NIN: variants seen among roughly 807,000 people sequenced by gnomAD.
NIN encodes the protein ninein.
A neutral mutation model predicts 257.6 loss-of-function variants in NIN; 137 were observed. The ratio of observed to expected loss-of-function variants is 0.53; its 90% CI spans 0.46 to 0.61. NIN has a LOEUF of 0.61. Ranked by LOEUF, NIN falls within the 20% of genes least tolerant of loss-of-function variation. The pLI is 0.00. For missense variants in NIN, 2,439 were observed against 2,501.2 expected, an observed-to-expected ratio of 0.98 and a Z score of 0.53; for synonymous variants, 918 against 919.8, an observed-to-expected ratio of 1.00 and a Z score of 0.04.
rs1339435449 is a variant in NIN at position 50,721,985 on chromosome 14, T to G, written c.*1478A>C. The G allele has an allele frequency of 4.4e-6, 1 of 227,784 alleles. No homozygotes were observed. The highest frequency in any genetic ancestry group is 8.7e-6 in the Non-Finnish European group (1 of 114,540). 14.1% of individuals were successfully genotyped at this position (227,784 alleles called of 1,614,324 possible). On this transcript the variant is annotated 3_prime_UTR_variant, in exon 31 of 31. Transcript: ENST00000530997. ...CCCATAAAGCAGTGCTTGATTTTGC[T>G]GTTCACCTTTTGTAAATAGATGGGC... is the stretch of plus-strand genomic sequence containing the variant.
rs770235566 is a variant in NIN, at chr14:50,756,588, A to G, written c.4442T>C (p.Val1481Ala). The change falls in exon 18 of 31, where the codon GTA becomes GCA. Residue 1481 changes from valine (V) to alanine (A), a missense_variant. Val to Ala is a moderately conservative substitution (Grantham distance 64). Transcript: ENST00000530997. Reference protein sequence around the residue: ...RVTILVKQKDVLSHGEKEEEL... With the variant: ...RVTILVKQKDALSHGEKEEEL... Reference sequence around the variant, plus strand: ...TTCCTCCTTTTCTCCGTGAGAAAGTACATCTTTTTGCTTAACTAAAATAGT... The same window carrying G: ...TTCCTCCTTTTCTCCGTGAGAAAGTGCATCTTTTTGCTTAACTAAAATAGT... 5.6e-6 allele frequency: 9 copies of G among 1,605,576 alleles called. No homozygotes were observed. The African/African-American group carries it at 6.7e-5, about 12-fold the overall frequency.
At chr14:50,799,380 C>T (rs1025112241) in intron 4 of NIN, among the ~76,000 whole-genome samples, 4 of 152,128 alleles carry the variant, frequency 2.6e-5, no homozygotes, top group East Asian at 1.9e-4. Flanking sequence ...CCAAAGCCAT[C>T]GGGCCAGGGA....
chr14:50,782,290 A>G (rs2043165185), intron 5 of NIN, among the ~76,000 whole-genome samples: 1 of 152,242 alleles, frequency 6.6e-6, no homozygotes, highest in Non-Finnish European at 1.5e-5. Context: ...GTATTCAAAG[A>G]CAATAAAATC....
intron 5 of NIN, among the ~76,000 whole-genome samples, chr14:50,779,651 G>A (rs1031187367): frequency 2.6e-5 from 4 of 152,014 alleles, no homozygotes; most frequent in Admixed American, 6.5e-5. Context: ...CCAGCTACTC[G>A]GGAGGCTGAG....
intron 18 of NIN, among the ~76,000 whole-genome samples, chr14:50,755,492 T>C (rs993805892): frequency 9.2e-5 from 14 of 151,922 alleles, no homozygotes; most frequent in African/African-American, 3.4e-4. Context: ...AAAACCAAAT[T>C]TGCTAGAAGA....
At chr14:50,800,030 ACACACACACACACACAC>A (rs1461289847) in intron 4 of NIN, among the ~76,000 whole-genome samples, 1 of 151,670 alleles carries the variant, frequency 6.6e-6, no homozygotes, top group Admixed American at 6.6e-5. Flanking sequence ...ACACACACAC[ACACACACACACACACAC>A]AACTCCCAAG....
intron 3 of NIN, among the ~76,000 whole-genome samples, chr14:50,815,990 G>T (rs538574754): frequency 6.6e-6 from 1 of 152,170 alleles, no homozygotes; most frequent in Non-Finnish European, 1.5e-5. Context: ...TGGGGCGACA[G>T]GGCGAGACTC....
intron 4 of NIN, among the ~76,000 whole-genome samples, chr14:50,794,761 T>TAAAA (rs900112232): frequency 1.6e-5 from 2 of 125,066 alleles, no homozygotes; most frequent in Non-Finnish European, 3.5e-5. Flanking sequence ...ATTCAGAGGT[T>TAAAA]AAAAAAAAAA....
In NIN at chr14:50,723,467, G is replaced by T; in HGVS notation, c.6398C>A (p.Ser2133Ter). The change falls in exon 31 of 31, where the codon TCA becomes TAA. Residue 2133 changes from serine (S) to a stop codon, truncating the protein, a stop_gained. Coordinates refer to ENST00000530997, the MANE Select transcript of NIN (RefSeq NM_020921.4). LOFTEE classifies it high-confidence loss of function. ...TGAGTGTACCCTTTGGTTTGGCTAT[G>T]ACCTCAAAGGAGGTGTAGAAGTCAA... ...APLTSTPPLR[S>*] 1 of 1,611,246 alleles carries T rather than the reference G, an allele frequency of 6.2e-7. No homozygotes were observed. Among genetic ancestry groups the T allele is most frequent in the Admixed American group, 1.7e-5 (1 of 59,960 alleles).
Position 50,777,153 on chromosome 14 carries a change from A to C in NIN, c.476-14T>G. The C allele has an allele frequency of 6.3e-7, 1 of 1,585,078 alleles. No homozygotes were observed. Among genetic ancestry groups the C allele is most frequent in the South Asian group, 1.2e-5 (1 of 86,758 alleles). On this transcript the variant is annotated splice_polypyrimidine_tract_variant and intron_variant, in intron 6 of 30. Transcript: ENST00000530997. ...ACCTTAACTGGCCTGAGAGAGAAGC[A>C]TATGTTGCACGGTTTCCAAAGGAAT...
At chr14:50,776,158 T>C (rs2042916588) in intron 7 of NIN, among the ~76,000 whole-genome samples, 1 of 152,130 alleles carries the variant, frequency 6.6e-6, no homozygotes, top group Non-Finnish European at 1.5e-5. Context: ...ACCCTAACTC[T>C]CTCCAATCCT....
At chr14:50,780,127 A>G (rs962991844) in intron 5 of NIN, among the ~76,000 whole-genome samples, 2 of 152,216 alleles carry the variant, frequency 1.3e-5, no homozygotes, top group African/African-American at 2.4e-5. Flanking sequence ...AGTTGCAACA[A>G]GTAGGTCCAC....
chr14:50,763,713 CTTT>C (rs5808571), intron 15 of NIN, 110 bp downstream of exon 15: 16,220 of 658,754 alleles, frequency 0.025, 42 homozygotes, highest in East Asian at 0.047. Context: ...TGGCCAAATT[CTTT>C]TTTTTTTTTT....
Position 50,738,253 on chromosome 14 carries a change from G to C in NIN, c.5662C>G (p.His1888Asp). ...RQLESNLLPK[H>D]QKHLNPSGTM... ...CCTGATGGGTTTAGATGTTTTTGGTGCTTGGGAAGAAGATTGGATTCCAAC... is the reference window on the plus strand; with the variant it reads ...CCTGATGGGTTTAGATGTTTTTGGTCCTTGGGAAGAAGATTGGATTCCAAC... The change falls in exon 27 of 31, where the codon CAC (histidine) becomes GAC (aspartate). Residue 1888 changes from histidine (H) to aspartate (D), a missense_variant. Physicochemically the swap from His to Asp is moderately conservative, Grantham distance 81 (BLOSUM62 -1). This residue lies in a region of NIN where 2,043 missense variants were observed against 2,050.2 expected (regional missense o/e 1.00). Coordinates refer to ENST00000530997, the MANE Select transcript of NIN (RefSeq NM_020921.4). 6.2e-7 allele frequency: 1 copy of C among 1,613,838 alleles called. No individual in the cohort carries two copies. Among genetic ancestry groups the C allele is most frequent in the Non-Finnish European group, 8.5e-7 (1 of 1,179,866 alleles).
In NIN at chr14:50,758,011, C is replaced by T. The variant is rs200571367; in HGVS notation, c.3019G>A (p.Glu1007Lys). ...TCETADRERAEMSTEISRLQS... is the reference protein window; with the variant it reads ...TCETADRERAKMSTEISRLQS... ...AGTCTGGAGATTTCTGTGCTCATCT[C>T]GGCTCTTTCTCGATCTGCTGTCTCA... The change falls in exon 18 of 31, where the codon GAG (glutamate) becomes AAG (lysine). Residue 1007 changes from glutamate (E) to lysine (K), a missense_variant. By Grantham distance (56) the Glu-to-Lys change is moderately conservative (BLOSUM62 1). Around this residue, in one of 3 missense-constraint regions of NIN, gnomAD observed 2,043 missense variants for 2,050.2 expected, o/e 1.00. Transcript: ENST00000530997. The T allele has an allele frequency of 2.5e-5, 41 of 1,614,220 alleles. 1 individual carries two copies. In the East Asian group the frequency reaches 5.6e-4, roughly 22 times the overall value.
intron 4 of NIN, among the ~76,000 whole-genome samples, chr14:50,795,739 G>C (rs1257738358): frequency 6.6e-6 from 1 of 152,196 alleles, no homozygotes; most frequent in Non-Finnish European, 1.5e-5. Context: ...GCTTCCACAG[G>C]TGAGAGTATC....
At chr14:50,777,930 T>C (rs549620195) in intron 6 of NIN, among the ~76,000 whole-genome samples, 10 of 152,348 alleles carry the variant, frequency 6.6e-5, no homozygotes, top group Admixed American at 5.2e-4. Context: ...GAAAGCAGTA[T>C]TTAGTGCTAC....
Position 50,719,953 on chromosome 14 carries a change from GGC to G in NIN, c.*3508_*3509del. On this transcript the variant is annotated 3_prime_UTR_variant, in exon 31 of 31. Coordinates refer to ENST00000530997, the MANE Select transcript of NIN (RefSeq NM_020921.4). ...TTTATCTGAACAGAAACATAGAGAT[GGC>G]TTTAGATAATCTGTTTTTCCTTCAC... 1 of 214,696 alleles carries G rather than the reference GGC, an allele frequency of 4.7e-6. No individual in the cohort carries two copies. The highest frequency in any genetic ancestry group is 7.0e-5 in the East Asian group (1 of 14,312). The allele number at this position is 214,696 out of a possible 1,614,324, so 13.3% of individuals were successfully genotyped here.
chr14:50,806,409 AATCAT>A (rs1362780307), intron 4 of NIN: 1 of 185,266 alleles, frequency 5.4e-6, no homozygotes, highest in Non-Finnish European at 1.1e-5. Context: ...AATTTCCCCA[AATCAT>A]ATCCTTCCAT....
Sources: gnomAD v4.1 joint callset for allele counts (sites outside exome capture counted in the v4.1 genomes callset) on GRCh38, gnomAD v4.1.1 for gene constraint, gnomAD v4.1.1 regional missense constraint, MANE v1.5 for transcripts, NCBI Gene and HGNC (gene_info 2026-07-23, HGNC 2026-07-21) for gene names.